The following DLGAP2 variants were observed in gnomAD, a reference collection of about 807,000 sequenced individuals.
DLGAP2 encodes disks large-associated protein 2.
A neutral mutation model predicts 100.3 loss-of-function variants in DLGAP2; 26 were observed. The observed-to-expected ratio is 0.26, with a 90% CI of 0.19 to 0.36. DLGAP2 has a LOEUF of 0.36. Among genes scored for constraint, DLGAP2 ranks in the 10% least tolerant of loss-of-function variants. The pLI is 1.00. For missense variants in DLGAP2, 1,858 were observed against 1,453.2 expected, an observed-to-expected ratio of 1.28 and a Z score of -4.53; for synonymous variants, 886 against 630.1, an observed-to-expected ratio of 1.41 and a Z score of -6.08.
At chr8:1,691,731 T>G (rs1563066041) in intron 13 of DLGAP2, 105 bp downstream of exon 13, 3 of 1,004,562 alleles carry the variant, frequency 3.0e-6, no homozygotes, top group Non-Finnish European at 3.0e-6. Context: ...CCCATCGGTA[T>G]GCGGAATATC....
intron 1 of DLGAP2, among the ~76,000 whole-genome samples, chr8:751,983 C>A (rs541312270): frequency 9.2e-5 from 14 of 152,002 alleles, no homozygotes; most frequent in Non-Finnish European, 1.6e-4. Context: ...TTTTTCAGGC[C>A]CATTTTTTTT....
chr8:1,291,627 C>T (rs78135111), intron 3 of DLGAP2, among the ~76,000 whole-genome samples: 167 of 152,248 alleles, frequency 1.1e-3, no homozygotes, highest in Non-Finnish European at 1.9e-3. Flanking sequence ...TTTAAAATTA[C>T]GGGATCAGGC....
intron 4 of DLGAP2, among the ~76,000 whole-genome samples, chr8:1,537,999 C>T (rs1316427371): frequency 6.6e-6 from 1 of 152,130 alleles, no homozygotes; most frequent in African/African-American, 2.4e-5. Context: ...GAACAGAGAG[C>T]TGCTGTCCAT....
chr8:1,190,967 G>T (rs574245194), intron 2 of DLGAP2, among the ~76,000 whole-genome samples: 14 of 152,146 alleles, frequency 9.2e-5, no homozygotes, highest in African/African-American at 1.9e-4. Flanking sequence ...CGCAGCGAGG[G>T]GGGTGGGTGA....
At position 1,443,305 on chromosome 8, in the gene DLGAP2, C is replaced by T. The variant is rs529287633; in HGVS notation, c.107-58061C>T. On this transcript the variant is annotated intron_variant, in intron 3 of 14. Transcript: ENST00000637795. ...CTTCCCTCCACTGCCCAGAGATAATCGCGGGTAACATTTGGATGTTAATAC... is the reference window on the plus strand; with the variant it reads ...CTTCCCTCCACTGCCCAGAGATAATTGCGGGTAACATTTGGATGTTAATAC... Among the ~76,000 whole-genome samples, 57 of 151,558 alleles carry T rather than the reference C, an allele frequency of 3.8e-4. 1 individual carries two copies. The highest frequency in any genetic ancestry group is 1.2e-3 in the African/African-American group (49 of 40,930).
intron 2 of DLGAP2, among the ~76,000 whole-genome samples, chr8:1,232,466 A>C (rs984207453): frequency 6.6e-6 from 1 of 152,174 alleles, no homozygotes. Flanking sequence ...GGCTGTGATG[A>C]GGGGAGGATG....
At chr8:1,502,138 G>C (rs1202297774) in intron 4 of DLGAP2, among the ~76,000 whole-genome samples, 1 of 152,198 alleles carries the variant, frequency 6.6e-6, no homozygotes, top group Admixed American at 6.5e-5. Context: ...CAGTGGCTCT[G>C]TCTGTGGTTA....
At chr8:1,326,994 T>TG (rs1437924740) in intron 3 of DLGAP2, among the ~76,000 whole-genome samples, 2 of 152,224 alleles carry the variant, frequency 1.3e-5, no homozygotes, top group Admixed American at 1.3e-4. Flanking sequence ...CCTTGGGCTA[T>TG]GAGGGTGAAC....
At chr8:763,129 G>T (rs1428504196) in intron 1 of DLGAP2, among the ~76,000 whole-genome samples, 1 of 152,098 alleles carries the variant, frequency 6.6e-6, no homozygotes, top group Non-Finnish European at 1.5e-5. Context: ...GGTGGGTTTA[G>T]GAGTGCAGGG....
At chr8:1,460,958 A>G (rs12544724) in intron 3 of DLGAP2, among the ~76,000 whole-genome samples, 1 of 151,964 alleles carries the variant, frequency 6.6e-6, no homozygotes, top group Admixed American at 6.6e-5. Context: ...TTTGGACAGA[A>G]CTGAGTTTGG....
At chr8:1,202,288 T>G (rs906226033) in intron 2 of DLGAP2, among the ~76,000 whole-genome samples, 10 of 116,990 alleles carry the variant, frequency 8.5e-5, no homozygotes, top group Non-Finnish European at 1.5e-4. Context: ...GGTGCATGTA[T>G]GTAGTATATG....
intron 1 of DLGAP2, among the ~76,000 whole-genome samples, chr8:895,052 G>T (rs369752096): frequency 6.8e-6 from 1 of 148,146 alleles, no homozygotes; most frequent in African/African-American, 2.5e-5. Flanking sequence ...GGCTGGGGTG[G>T]GTGTGGGGAG....
chr8:1,624,890 C>CT (rs1669263897), intron 6 of DLGAP2, among the ~76,000 whole-genome samples: 2 of 105,266 alleles, frequency 1.9e-5, no homozygotes, highest in East Asian at 2.2e-4. Flanking sequence ...TCTCTCTTTC[C>CT]TTTTTTTGGT....
intron 2 of DLGAP2, among the ~76,000 whole-genome samples, chr8:1,128,399 G>A (rs990458890): frequency 2.5e-4 from 38 of 152,240 alleles, no homozygotes; most frequent in Admixed American, 2.0e-3. Flanking sequence ...GGGAACAGTG[G>A]TCCCATGGAA....
intron 1 of DLGAP2, among the ~76,000 whole-genome samples, chr8:836,755 G>A (rs1796885121): frequency 6.6e-6 from 1 of 152,214 alleles, no homozygotes; most frequent in Non-Finnish European, 1.5e-5. Flanking sequence ...GGCGTTTCAT[G>A]TGAACACCAC....
intron 2 of DLGAP2, among the ~76,000 whole-genome samples, chr8:938,971 G>A (rs1175638676): frequency 6.6e-6 from 1 of 152,236 alleles, no homozygotes; most frequent in Admixed American, 6.5e-5. Flanking sequence ...GAGCCTTTCT[G>A]TTCAGAAACC....
At chr8:958,373 T>C (rs1483539512) in intron 2 of DLGAP2, among the ~76,000 whole-genome samples, 13 of 152,226 alleles carry the variant, frequency 8.5e-5, no homozygotes, top group East Asian at 7.7e-4. Context: ...TGAGTATGCG[T>C]GCAGGTCCCA....
intron 3 of DLGAP2, among the ~76,000 whole-genome samples, chr8:1,482,572 C>T (rs1171296270): frequency 6.6e-6 from 1 of 152,270 alleles, no homozygotes; most frequent in East Asian, 1.9e-4. Flanking sequence ...ACAAGCCCAG[C>T]TCACTGGCAT....
At chr8:1,577,270 A>G (rs1393162825) in intron 6 of DLGAP2, among the ~76,000 whole-genome samples, 1 of 152,214 alleles carries the variant, frequency 6.6e-6, no homozygotes, top group East Asian at 1.9e-4. Flanking sequence ...TCAATATACG[A>G]TAAAAATTTT....
Sources: allele counts gnomAD v4.1 joint callset (sites outside exome capture counted in the v4.1 genomes callset), GRCh38; gene constraint gnomAD v4.1.1; transcripts MANE v1.5; gene names NCBI Gene and HGNC (gene_info 2026-07-23, HGNC 2026-07-21).